ZNF573: variants seen among roughly 807,000 people sequenced by gnomAD.
ZNF573 encodes the protein zinc finger protein 573.
In ZNF573, 41 loss-of-function variants were observed where a neutral mutation model predicts 57.4. The ratio of observed to expected loss-of-function variants is 0.71; its 90% CI spans 0.56 to 0.93. The LOEUF is 0.93. Ranked by LOEUF, ZNF573 falls within the 40% of genes least tolerant of loss-of-function variation. ZNF573 has a pLI of 0.00. For synonymous variants in ZNF573, 249 were observed against 261.0 expected, an observed-to-expected ratio of 0.95 and a Z score of 0.44; for missense variants, 730 against 794.8, an observed-to-expected ratio of 0.92 and a Z score of 0.98.
At chr19:37,778,817 C>T (rs2045736454) in intron 1 of ZNF573, among the ~76,000 whole-genome samples, 1 of 152,114 alleles carries the variant, frequency 6.6e-6, no homozygotes, top group South Asian at 2.1e-4. Context: ...TCCCTGTTCA[C>T]ACACTTTAAC....
intron 1 of ZNF573, among the ~76,000 whole-genome samples, chr19:37,774,371 C>T (rs916273035): frequency 1.3e-5 from 2 of 151,860 alleles, no homozygotes; most frequent in Admixed American, 6.6e-5. Flanking sequence ...GAACTCCTGG[C>T]CTCAGGTGAT....
intron 4 of ZNF573, 49 bp downstream of exon 4, chr19:37,769,956 T>C: frequency 6.8e-7 from 1 of 1,473,542 alleles, no homozygotes; most frequent in Non-Finnish European, 9.3e-7. Context: ...TCCTTTCTCT[T>C]ACCACATGGG....
intron 4 of ZNF573, among the ~76,000 whole-genome samples, chr19:37,767,523 A>G (rs1483405209): frequency 2.0e-5 from 3 of 152,112 alleles, no homozygotes; most frequent in South Asian, 2.1e-4. Flanking sequence ...GTGAGCCACC[A>G]TGCCCGGCAG....
At chr19:37,778,493 C>G (rs241950) in intron 1 of ZNF573, 44,695 of 150,978 alleles carry the variant, frequency 0.3, 8,043 homozygotes, top group East Asian at 0.62. Context: ...TGAGCCACCA[C>G]ACCCGGCCAA....
intron 1 of ZNF573, among the ~76,000 whole-genome samples, chr19:37,776,246 A>G (rs993319067): frequency 6.6e-6 from 1 of 152,170 alleles, no homozygotes; most frequent in Non-Finnish European, 1.5e-5. Flanking sequence ...ACTACAAGAC[A>G]ATCGTTACCA....
At chr19:37,776,331 ATACT>A (rs568985775) in intron 1 of ZNF573, among the ~76,000 whole-genome samples, 7 of 152,154 alleles carry the variant, frequency 4.6e-5, no homozygotes, top group Admixed American at 2.6e-4. Flanking sequence ...ATAAAGCCAA[ATACT>A]TACAGCCAAC....
At chr19:37,760,296 C>G (rs2045538710) in intron 4 of ZNF573, among the ~76,000 whole-genome samples, 1 of 148,934 alleles carries the variant, frequency 6.7e-6, no homozygotes, top group African/African-American at 2.4e-5. Flanking sequence ...ATAAGATAAT[C>G]CTAGATTAAC....
chr19:37,742,625 T>C (rs1299359708), intron 4 of ZNF573, among the ~76,000 whole-genome samples: 2 of 152,192 alleles, frequency 1.3e-5, no homozygotes, highest in African/African-American at 4.8e-5. Flanking sequence ...GGTAGCCATA[T>C]GCAGAAAACT....
At chr19:37,779,244 A>G (rs1356538225) in intron 1 of ZNF573, among the ~76,000 whole-genome samples, 1 of 152,108 alleles carries the variant, frequency 6.6e-6, no homozygotes, top group African/African-American at 2.4e-5. Context: ...ACCCACCGTC[A>G]AGGAGGCACA....
intron 3 of ZNF573, among the ~76,000 whole-genome samples, chr19:37,771,246 T>A (rs935425588): frequency 6.6e-6 from 1 of 151,698 alleles, no homozygotes; most frequent in Non-Finnish European, 1.5e-5. Context: ...GAAACCAGGA[T>A]TCCTGGGCAA....
chr19:37,764,217 T>C (rs1248112811), intron 4 of ZNF573, among the ~76,000 whole-genome samples: 1 of 152,104 alleles, frequency 6.6e-6, no homozygotes. Flanking sequence ...AGTTCTAAGT[T>C]TGGCCAGGAA....
chr19:37,769,156 G>A (rs1212577000), intron 4 of ZNF573, among the ~76,000 whole-genome samples: 1 of 151,164 alleles, frequency 6.6e-6, no homozygotes, highest in African/African-American at 2.4e-5. Context: ...GTAGAGACGG[G>A]GTTTCACCAT....
intron 4 of ZNF573, among the ~76,000 whole-genome samples, chr19:37,754,856 A>T (rs539241374): frequency 5.3e-5 from 8 of 152,340 alleles, no homozygotes; most frequent in Non-Finnish European, 1.0e-4. Context: ...GCCACACAAC[A>T]TAACACCTAC....
At position 37,739,962 on chromosome 19, in the gene ZNF573, T is replaced by A. The variant is rs1466831370; in HGVS notation, c.528A>T (p.Gln176His). The change falls in exon 5 of 5, where the codon CAA (glutamine) becomes CAT (histidine). Residue 176 changes from glutamine (Q) to histidine (H), a missense_variant. By Grantham distance (24) the Gln-to-His change is conservative. Coordinates refer to ENST00000536220, the MANE Select transcript of ZNF573 (RefSeq NM_001172690.2). Reference protein sequence around the residue: ...ECGKNFRSGYQLTLHQRFHTG... With the variant: ...ECGKNFRSGYHLTLHQRFHTG... ...TATGAAATCTTTGATGTAGAGTAAGTTGATAGCCACTACGAAAGTTCTTCC... is the reference window on the plus strand; with the variant it reads ...TATGAAATCTTTGATGTAGAGTAAGATGATAGCCACTACGAAAGTTCTTCC... 6.2e-7 allele frequency: 1 copy of A among 1,614,126 alleles called. No individual in the cohort carries two copies. The highest frequency in any genetic ancestry group is 2.2e-5 in the East Asian group (1 of 44,880).
chr19:37,775,804 GAATCA>G (rs1360474377), intron 1 of ZNF573, among the ~76,000 whole-genome samples: 2 of 109,876 alleles, frequency 1.8e-5, no homozygotes, highest in Non-Finnish European at 3.5e-5. Context: ...GCTAAGCTGA[GAATCA>G]AATCAAGAAC....
At chr19:37,773,028 C>T (rs1294289137) in intron 2 of ZNF573, 16 of 942,660 alleles carry the variant, frequency 1.7e-5, no homozygotes, top group East Asian at 1.2e-4. Flanking sequence ...TCTCATTCAT[C>T]GCCATTTTCC....
intron 4 of ZNF573, among the ~76,000 whole-genome samples, chr19:37,746,485 A>AAC (rs2045383580): frequency 1.3e-5 from 2 of 152,352 alleles, no homozygotes; most frequent in South Asian, 4.1e-4. Context: ...GTATGAACTC[A>AAC]TGTTTAGCTT....
At chr19:37,745,795 G>A (rs2045376921) in intron 4 of ZNF573, among the ~76,000 whole-genome samples, 1 of 152,074 alleles carries the variant, frequency 6.6e-6, no homozygotes, top group Non-Finnish European at 1.5e-5. Flanking sequence ...TTCTTTATAA[G>A]GGTTATAAAT....
At chr19:37,764,688 C>G (rs2045585033) in intron 4 of ZNF573, among the ~76,000 whole-genome samples, 1 of 151,272 alleles carries the variant, frequency 6.6e-6, no homozygotes, top group Non-Finnish European at 1.5e-5. Flanking sequence ...ACTGCAAGCT[C>G]CACCTCCCGG....
Sources: allele counts gnomAD v4.1 joint callset (sites outside exome capture counted in the v4.1 genomes callset), GRCh38; gene constraint gnomAD v4.1.1; transcripts MANE v1.5; gene names NCBI Gene and HGNC (gene_info 2026-07-23, HGNC 2026-07-21).